GNE: variants seen among roughly 807,000 people sequenced by gnomAD.
GNE encodes the protein bifunctional UDP-N-acetylglucosamine 2-epimerase/N-acetylmannosamine kinase.
GNE carries 41 observed loss-of-function variants against 61.8 expected under a neutral mutation model. The observed-to-expected ratio is 0.66, with a 90% CI of 0.52 to 0.86. The LOEUF (loss-of-function observed/expected upper bound fraction) is 0.86, where lower values mean the gene tolerates loss of function less well. Among genes scored for constraint, GNE ranks in the 40% least tolerant of loss-of-function variants. The pLI is 0.00. For synonymous variants in GNE, 264 were observed against 326.4 expected, an observed-to-expected ratio of 0.81 and a Z score of 2.06; for missense variants, 608 against 909.1, an observed-to-expected ratio of 0.67 and a Z score of 4.26.
intron 6 of GNE, among the ~76,000 whole-genome samples, 193 bp downstream of exon 6, chr9:36,228,828 A>G (rs1170529660): frequency 1.3e-5 from 2 of 150,702 alleles, no homozygotes; most frequent in East Asian, 3.9e-4. Context: ...TAAAATATGT[A>G]TTCTACATTG....
chr9:36,233,172 A>C (rs1485448637), intron 5 of GNE, among the ~76,000 whole-genome samples: 1 of 152,246 alleles, frequency 6.6e-6, no homozygotes, highest in East Asian at 1.9e-4. Flanking sequence ...AATGTTAATA[A>C]CAGGACCTAG....
intron 3 of GNE, among the ~76,000 whole-genome samples, chr9:36,245,679 A>C (rs540153887): frequency 1.3e-4 from 20 of 152,294 alleles, no homozygotes; most frequent in African/African-American, 4.8e-4. Context: ...ATCTCAAAAA[A>C]TAAAATAAAT....
At chr9:36,220,041 C>T (rs1184481911) in intron 9 of GNE, 21 bp from the exon 10 acceptor site, 37 of 1,602,344 alleles carry the variant, frequency 2.3e-5, no homozygotes, top group Non-Finnish European at 3.1e-5. Context: ...GGATAGAAAT[C>T]ACTGAGGGTG....
intron 9 of GNE, among the ~76,000 whole-genome samples, chr9:36,220,269 G>A (rs909893482): frequency 2.0e-5 from 3 of 152,276 alleles, no homozygotes; most frequent in Non-Finnish European, 2.9e-5. Flanking sequence ...CAGCTGTGGG[G>A]ACAGTGCAGC....
chr9:36,270,996 T>G (rs1363445586), intron 1 of GNE, among the ~76,000 whole-genome samples: 1 of 152,222 alleles, frequency 6.6e-6, no homozygotes, highest in East Asian at 1.9e-4. Context: ...CATTATTGCC[T>G]GATTAAATCT....
At chr9:36,266,814 C>T (rs1372529345) in intron 1 of GNE, among the ~76,000 whole-genome samples, 1 of 152,064 alleles carries the variant, frequency 6.6e-6, no homozygotes, top group African/African-American at 2.4e-5. Flanking sequence ...GAGGCTGAGG[C>T]AGGAGAATGG....
chr9:36,271,186 C>T (rs148636699), intron 1 of GNE, among the ~76,000 whole-genome samples: 140 of 152,236 alleles, frequency 9.2e-4, no homozygotes, highest in Non-Finnish European at 1.8e-3. Context: ...TCCTTCTGCC[C>T]CAAAGAGTTC....
At chr9:36,253,094 G>A (rs1057446091) in intron 1 of GNE, among the ~76,000 whole-genome samples, 5 of 152,072 alleles carry the variant, frequency 3.3e-5, no homozygotes, top group African/African-American at 7.2e-5. Context: ...CACATGAGGC[G>A]GAGCTTGCGG....
intron 10 of GNE, among the ~76,000 whole-genome samples, chr9:36,219,286 C>G (rs1404619239): frequency 6.6e-6 from 1 of 152,128 alleles, no homozygotes; most frequent in Non-Finnish European, 1.5e-5. Flanking sequence ...CATGCCCTCT[C>G]GTGGACCCTC....
At chr9:36,236,031 G>A (rs1271421597) in intron 4 of GNE, among the ~76,000 whole-genome samples, 1 of 152,226 alleles carries the variant, frequency 6.6e-6, no homozygotes, top group Non-Finnish European at 1.5e-5. Context: ...GCCAGGGCAG[G>A]CTTGAGGATG....
intron 1 of GNE, among the ~76,000 whole-genome samples, chr9:36,258,106 G>A (rs1254711239): frequency 6.6e-6 from 1 of 152,166 alleles, no homozygotes; most frequent in East Asian, 1.9e-4. Flanking sequence ...GGCCCACCCC[G>A]AGCCACACGG....
At chr9:36,233,491 C>A (rs923000635) in intron 5 of GNE, among the ~76,000 whole-genome samples, 2 of 152,040 alleles carry the variant, frequency 1.3e-5, no homozygotes, top group Non-Finnish European at 2.9e-5. Context: ...AAAGTGAAAC[C>A]CCGTCTCTAC....
chr9:36,258,717 C>G (rs1256186422), upstream of GNE, among the ~76,000 whole-genome samples: 1 of 152,220 alleles, frequency 6.6e-6, no homozygotes, highest in Non-Finnish European at 1.5e-5. Context: ...CCTCCACTGG[C>G]GACACACGCA....
rs375794259 is a variant in GNE, at chr9:36,242,732, G to GCTTT, written c.616+3298_616+3299insAAAG. Among the ~76,000 whole-genome samples the GCTTT allele has an allele frequency of 8.1e-4, 78 of 95,988 alleles. 4 individuals are homozygous for GCTTT. Among genetic ancestry groups the GCTTT allele is most frequent in the South Asian group, 1.1e-3 (3 of 2,842 alleles). The allele number at this position is 95,988 out of a possible 152,430, so 63.0% of individuals were successfully genotyped here. A position where few individuals can be genotyped will look rare whatever the true frequency, so the allele number is the denominator to read the frequency against. ...CGCATCTGGCCTGGGTTTTATGCTT[G>GCTTT]TTTTTTTTTTTTTTTTTTTTTTTGA... On this transcript the variant is annotated intron_variant, in intron 3 of 11. Transcript: ENST00000642385.
At chr9:36,245,561 A>C (rs536709841) in intron 3 of GNE, among the ~76,000 whole-genome samples, 16 of 151,252 alleles carry the variant, frequency 1.1e-4, no homozygotes, top group Middle Eastern at 3.5e-3. Context: ...GCAATCCCAC[A>C]TACTTGGGAG....
Position 36,246,475 on chromosome 9 carries a change from A to G in GNE, c.172T>C (p.Tyr58His), listed in dbSNP as rs1829880192. The change falls in exon 3 of 12, where the codon TAT (tyrosine) becomes CAT (histidine). Residue 58 changes from tyrosine (Y) to histidine (H), a missense_variant. Coordinates refer to ENST00000642385, the MANE Select transcript of GNE (RefSeq NM_005476.7). ...AAGTCATCTTGTTCAATCATTCGAT[A>G]TGTATTTCTAAAGCCGGGGAGAAAT... The part of the protein sequence containing the change: ...SHLIDDYGNT[Y>H]RMIEQDDFDI... The G allele has an allele frequency of 6.2e-7, 1 of 1,610,628 alleles. No homozygotes were observed. Among genetic ancestry groups the G allele is most frequent in the Non-Finnish European group, 8.5e-7 (1 of 1,177,460 alleles).
chr9:36,251,986 CT>C (rs34737463), intron 1 of GNE, among the ~76,000 whole-genome samples: 2,394 of 134,080 alleles, frequency 0.018, 59 homozygotes, highest in African/African-American at 0.063. Context: ...ACTATCTGAT[CT>C]TTTTTTTTTT....
In GNE at chr9:36,216,672, TTTA is replaced by T. The variant is rs374896148; in HGVS notation, c.*690_*692del. 26,237 of 87,034 alleles carry T rather than the reference TTTA, an allele frequency of 0.3. 3,149 individuals carry two copies. Among genetic ancestry groups the T allele is most frequent in the Non-Finnish European group, 0.39 (16,112 of 41,088 alleles). The allele number at this position is 87,034 out of a possible 1,614,324, so 5.4% of individuals were successfully genotyped here. On this transcript the variant is annotated 3_prime_UTR_variant, in exon 12 of 12. Transcript: ENST00000642385. ...ATTATTATTATTATTATTATTATTATTTATTATTATTATTTTTGAGATGGAGTC... is the reference window on the plus strand; with the variant it reads ...ATTATTATTATTATTATTATTATTATTTATTATTATTTTTGAGATGGAGTC...
chr9:36,225,517 C>T (rs1006663192), intron 7 of GNE, among the ~76,000 whole-genome samples: 1 of 152,122 alleles, frequency 6.6e-6, no homozygotes, highest in African/African-American at 2.4e-5. Flanking sequence ...AGCCTGTAGT[C>T]CCATCTACTC....
Sources: allele counts gnomAD v4.1 joint callset (sites outside exome capture counted in the v4.1 genomes callset), GRCh38; gene constraint gnomAD v4.1.1; transcripts MANE v1.5; gene names NCBI Gene and HGNC (gene_info 2026-07-23, HGNC 2026-07-21).